NIM1K: variants seen among roughly 807,000 people sequenced by gnomAD.
NIM1K encodes NIM1 serine/threonine protein kinase.
Under a neutral mutation model 37.1 loss-of-function variants are expected in NIM1K, and 35 were observed. That is an observed-to-expected ratio of 0.94 (90% CI 0.72 to 1.25). The LOEUF (loss-of-function observed/expected upper bound fraction) is 1.25, where lower values mean the gene tolerates loss of function less well. Among genes scored for constraint, NIM1K ranks in the 50% most tolerant of loss-of-function variants. The pLI is 0.00. For missense variants in NIM1K, 564 were observed against 548.0 expected, an observed-to-expected ratio of 1.03 and a Z score of -0.29; for synonymous variants, 234 against 206.6, an observed-to-expected ratio of 1.13 and a Z score of -1.14.
chr5:43,197,331 G>A (rs893508884), intron 1 of NIM1K, among the ~76,000 whole-genome samples: 5 of 150,600 alleles, frequency 3.3e-5, no homozygotes, highest in Non-Finnish European at 7.4e-5. Flanking sequence ...GTGGTAGGGG[G>A]GGCGGGCCTC....
intron 2 of NIM1K, among the ~76,000 whole-genome samples, chr5:43,270,595 G>T (rs1466859653): frequency 1.3e-5 from 2 of 152,226 alleles, no homozygotes; most frequent in African/African-American, 2.4e-5. Context: ...TTATACAAAA[G>T]TGTATGAGGT....
chr5:43,238,682 C>T (rs1365753498), intron 1 of NIM1K, among the ~76,000 whole-genome samples: 2 of 151,768 alleles, frequency 1.3e-5, no homozygotes, highest in African/African-American at 2.4e-5. Flanking sequence ...GAGGATTGTG[C>T]GGTAGATGGC....
Position 43,248,081 on chromosome 5 carries a change from GGT to G in NIM1K, c.292+2016_292+2017del, listed in dbSNP as rs1185281657. 5.3e-5 allele frequency among the ~76,000 whole-genome samples: 8 copies of G among 152,280 alleles called. No individual in the cohort carries two copies. In the East Asian group the frequency reaches 1.4e-3, roughly 26 times the overall value. On this transcript the variant is annotated intron_variant, in intron 2 of 3. Transcript: ENST00000326035. ...AGAGACTCTTCCACCTTAGGACTAC[GGT>G]GAAAGGCTTTAAGTGAAGGTCAAAT...
At chr5:43,212,978 C>T (rs761251366) in intron 1 of NIM1K, among the ~76,000 whole-genome samples, 3 of 152,134 alleles carry the variant, frequency 2.0e-5, no homozygotes, top group Non-Finnish European at 4.4e-5. Flanking sequence ...ATATGGGCTC[C>T]CATATGTGCC....
At chr5:43,232,938 A>C (rs1752563525) in intron 1 of NIM1K, 10 of 1,148,290 alleles carry the variant, frequency 8.7e-6, no homozygotes, top group Non-Finnish European at 1.3e-5. Flanking sequence ...TGCCAGTGCA[A>C]ACTTCATCAT....
chr5:43,263,179 G>T lies in NIM1K; in HGVS notation c.293-13878G>T, dbSNP rs190719829. ...TCTATTGATTGGAATAGTTTCAGAA[G>T]GAATGGTACCAGCTCCTTTTGTACC... On this transcript the variant is annotated intron_variant, in intron 2 of 3. Transcript: ENST00000326035. 1.3e-3 allele frequency among the ~76,000 whole-genome samples: 192 copies of T among 152,302 alleles called. 2 individuals carry two copies. The highest frequency in any genetic ancestry group is 4.3e-3 in the African/African-American group (179 of 41,566).
At chr5:43,207,334 C>A in intron 1 of NIM1K, 1 of 770,996 alleles carries the variant, frequency 1.3e-6, no homozygotes, top group Non-Finnish European at 2.4e-6. Context: ...CAAAGATGGT[C>A]ACTATGGTAG....
rs55770078 is a variant in NIM1K at position 43,280,378 on chromosome 5, G to C, written c.960G>C (p.Met320Ile). The C allele has an allele frequency of 2.5e-6, 4 of 1,614,122 alleles. No homozygotes were observed. Among genetic ancestry groups the C allele is most frequent in the Non-Finnish European group, 3.4e-6 (4 of 1,179,982 alleles). The change falls in exon 4 of 4, where the codon ATG becomes ATC. Residue 320 changes from methionine (M) to isoleucine (I), a missense_variant. Coordinates refer to ENST00000326035, the MANE Select transcript of NIM1K (RefSeq NM_153361.4). ...AGAGGTACGGAATCGACTGCATCAT[G>C]AATGATGAATGGATGCAAGGGGTGC... is the stretch of plus-strand genomic sequence containing the variant. ...PTERYGIDCI[M>I]NDEWMQGVPY...
chr5:43,217,415 A>G (rs1448257897), intron 1 of NIM1K, among the ~76,000 whole-genome samples: 1 of 151,630 alleles, frequency 6.6e-6, no homozygotes, highest in East Asian at 1.9e-4. Context: ...TACTATAAAT[A>G]AAGCTGCTGT....
chr5:43,204,745 G>A (rs1341277978), intron 1 of NIM1K, among the ~76,000 whole-genome samples: 3 of 150,536 alleles, frequency 2.0e-5, no homozygotes, highest in South Asian at 2.1e-4. Flanking sequence ...GGTGGCTCAC[G>A]CCTGTAATCC....
intron 2 of NIM1K, among the ~76,000 whole-genome samples, chr5:43,266,062 G>A (rs560615780): frequency 1.3e-5 from 2 of 152,338 alleles, no homozygotes; most frequent in East Asian, 3.9e-4. Flanking sequence ...AGGCTACTCA[G>A]GGGTCAGGGA....
chr5:43,242,474 G>T (rs1028196772), intron 1 of NIM1K, among the ~76,000 whole-genome samples: 1 of 151,818 alleles, frequency 6.6e-6, no homozygotes, highest in African/African-American at 2.4e-5. Context: ...CTTGCATTTC[G>T]AAGCAGTTCT....
At chr5:43,203,196 C>T (rs1167778405) in intron 1 of NIM1K, among the ~76,000 whole-genome samples, 10 of 152,000 alleles carry the variant, frequency 6.6e-5, no homozygotes, top group African/African-American at 2.4e-4. Flanking sequence ...GCAATTCTTA[C>T]TGCTCTAGGA....
intron 1 of NIM1K, chr5:43,206,654 G>A (rs1180813986): frequency 8.8e-6 from 6 of 682,192 alleles, no homozygotes; most frequent in South Asian, 1.5e-5. Context: ...AGCCTGACTC[G>A]GCCCCCCAGT....
rs548895762 is a variant in NIM1K at position 43,255,538 on chromosome 5, C to G, written c.292+9471C>G. 1.1e-4 allele frequency among the ~76,000 whole-genome samples: 17 copies of G among 152,220 alleles called. No individual in the cohort carries two copies. In the South Asian group the frequency reaches 1.7e-3, roughly 15 times the overall value. On this transcript the variant is annotated intron_variant, in intron 2 of 3. Transcript: ENST00000326035. ...GGCCAAGGTGGGTGGATTATGAGAT[C>G]AAGAGATGGAGGCCATCCTGGCCGA...
intron 1 of NIM1K, chr5:43,232,721 A>G: frequency 7.5e-7 from 1 of 1,337,224 alleles, no homozygotes; most frequent in Non-Finnish European, 1.0e-6. Flanking sequence ...ATGAGCGGGG[A>G]GGTGAACCCA....
At chr5:43,218,517 G>A (rs1428190101) in intron 1 of NIM1K, among the ~76,000 whole-genome samples, 1 of 152,106 alleles carries the variant, frequency 6.6e-6, no homozygotes, top group Non-Finnish European at 1.5e-5. Flanking sequence ...AGCCAAGGTG[G>A]CACATGGTGA....
intron 2 of NIM1K, 31 bp from the exon 3 acceptor site, chr5:43,277,026 C>T (rs1312404637): frequency 7.5e-6 from 12 of 1,608,918 alleles, no homozygotes; most frequent in Admixed American, 1.7e-5. Flanking sequence ...CCTGTGAATT[C>T]TGGCACAATT....
intron 2 of NIM1K, among the ~76,000 whole-genome samples, chr5:43,250,551 C>G (rs1752853946): frequency 6.6e-6 from 1 of 152,174 alleles, no homozygotes; most frequent in Non-Finnish European, 1.5e-5. Flanking sequence ...CTTTTGAATC[C>G]TTACTCATAG....
Sources: gnomAD v4.1 joint callset for allele counts (sites outside exome capture counted in the v4.1 genomes callset) on GRCh38, gnomAD v4.1.1 for gene constraint, MANE v1.5 for transcripts, NCBI Gene and HGNC (gene_info 2026-07-23, HGNC 2026-07-21) for gene names.